The following ZNF653 variants were observed in gnomAD, a reference collection of about 807,000 sequenced individuals.
ZNF653 encodes the protein zinc finger protein 653, also known as 67 kDa zinc finger protein.
A neutral mutation model predicts 59.9 loss-of-function variants in ZNF653; 37 were observed. The ratio of observed to expected loss-of-function variants is 0.62; its 90% CI spans 0.48 to 0.81. The LOEUF (loss-of-function observed/expected upper bound fraction) is 0.81. Ranked by LOEUF, ZNF653 falls within the 40% of genes least tolerant of loss-of-function variation. The pLI, the probability that ZNF653 is intolerant of heterozygous loss-of-function variation, is 0.00. For missense variants in ZNF653, 808 were observed against 881.1 expected (o/e 0.92, Z 1.05); for synonymous variants, 435 against 371.8 (o/e 1.17, Z -1.96).
At position 11,484,070 on chromosome 19, in the gene ZNF653, G is replaced by A. The variant is rs1167066255; in HGVS notation, c.1642C>T (p.Arg548Cys). 10 of 1,559,118 alleles carry A rather than the reference G, an allele frequency of 6.4e-6. No homozygotes were observed. The highest frequency in any genetic ancestry group is 8.7e-6 in the Non-Finnish European group (10 of 1,151,398). ...KRKNHLEVHR[R>C]THTGETPLQC... ...AGGGGGGTCTCGCCGGTGTGGGTGC[G>A]CCGATGTACCTCCAGGTGGTTCTTC... Residue 548 changes from arginine to cysteine, a missense_variant, in exon 8 of 9, where the codon CGC becomes TGC. Coordinates refer to ENST00000293771, the MANE Select transcript of ZNF653 (RefSeq NM_138783.4).
chr19:11,486,679 C>A, intron 6 of ZNF653, 90 bp downstream of exon 6: 1 of 1,143,838 alleles, frequency 8.7e-7, no homozygotes, highest in Non-Finnish European at 1.2e-6. Context: ...CGTCAAATTT[C>A]AAGGGGCAAA....
chr19:11,499,547 T>C (rs1971622535), intron 1 of ZNF653, among the ~76,000 whole-genome samples: 1 of 150,950 alleles, frequency 6.6e-6, no homozygotes, highest in Non-Finnish European at 1.5e-5. Context: ...GGAGGACTGC[T>C]TGAAGCCAGG....
chr19:11,486,873 G>A lies in ZNF653; in HGVS notation c.1351C>T (p.Arg451Trp), dbSNP rs779336544. The A allele has an allele frequency of 9.9e-6, 16 of 1,610,260 alleles. No individual in the cohort carries two copies. The highest frequency in any genetic ancestry group is 2.2e-5 in the South Asian group (2 of 90,566). The change falls in exon 6 of 9, where the codon CGG becomes TGG. Residue 451 changes from arginine (R) to tryptophan (W), a missense_variant. Arg to Trp is a moderately radical substitution (Grantham distance 101, BLOSUM62 -3). Transcript: ENST00000293771. The part of the protein sequence containing the change: ...EIPKEPEKRR[R>W]SKRSRVMDAD... ...TCCATCACCCGCGACCGCTTGCTCC[G>A]CCGCCTCCTGGAGGGGAAGGGGCCA...
rs1555736352 is a variant in ZNF653 at position 11,487,978 on chromosome 19, T to TTTTTTTTATTTATTTATTTATTTATTTA, written c.560-76_560-75insTAAATAAATAAATAAATAAATAAAAAAA. 2 of 1,129,402 alleles carry TTTTTTTTATTTATTTATTTATTTATTTA rather than the reference T, an allele frequency of 1.8e-6. No individual in the cohort carries two copies. Among genetic ancestry groups the TTTTTTTTATTTATTTATTTATTTATTTA allele is most frequent in the African/African-American group, 4.0e-5 (2 of 49,514 alleles). 70.0% of individuals were successfully genotyped at this position (1,129,402 alleles called of 1,614,324 possible). A position where few individuals can be genotyped will look rare whatever the true frequency, so the allele number is the denominator to read the frequency against. On this transcript the variant is annotated intron_variant, in intron 3 of 8. Transcript: ENST00000293771. This position sits in a 1 kb window ranked among gnomAD's most constrained non-coding sequence, Gnocchi z 5.1. Reference sequence around the variant, plus strand: ...ATTTGTTTATTTAGTTTTTATTTTATTTTATTTATTTATTTATTTATTTTT... The same window carrying TTTTTTTTATTTATTTATTTATTTATTTA: ...ATTTGTTTATTTAGTTTTTATTTTATTTTTTTTATTTATTTATTTATTTATTTATTTATTTATTTATTTATTTATTTTT...
At position 11,495,842 on chromosome 19, in the gene ZNF653, G is replaced by A. The variant is rs1002197427; in HGVS notation, c.559+108C>T. 1.2e-5 allele frequency: 15 copies of A among 1,208,948 alleles called. No homozygotes were observed. The highest frequency in any genetic ancestry group is 1.7e-5 in the Non-Finnish European group (15 of 865,078). The allele number at this position is 1,208,948 out of a possible 1,614,324, so 74.9% of individuals were successfully genotyped here. A position where few individuals can be genotyped will look rare whatever the true frequency, so the allele number is the denominator to read the frequency against. On this transcript the variant is annotated intron_variant, in intron 3 of 8. Coordinates refer to ENST00000293771, the MANE Select transcript of ZNF653 (RefSeq NM_138783.4). This position sits in a 1 kb window ranked among gnomAD's most constrained non-coding sequence, Gnocchi z 4.9. ...CTGCTCTGCCCCAGTGCCAGAGCCA[G>A]AGCCAGAGCCACTGTGGCTGCTATT...
Position 11,495,710 on chromosome 19 carries a change from A to C in ZNF653, c.559+240T>G. 1 of 517,274 alleles carries C rather than the reference A, an allele frequency of 1.9e-6. No individual in the cohort carries two copies. The allele number at this position is 517,274 out of a possible 1,614,324, so 32.0% of individuals were successfully genotyped here. ...GCCCTGCCTGGGACTGGCCTTGGGC[A>C]CAGATTGGCAAACTGCTCCATAAAG... On this transcript the variant is annotated intron_variant, in intron 3 of 8. Coordinates refer to ENST00000293771, the MANE Select transcript of ZNF653 (RefSeq NM_138783.4). This position sits in a 1 kb window ranked among gnomAD's most constrained non-coding sequence, Gnocchi z 4.9.
chr19:11,501,706 G>A (rs1287167606), intron 1 of ZNF653, among the ~76,000 whole-genome samples: 4 of 152,170 alleles, frequency 2.6e-5, no homozygotes, highest in African/African-American at 7.2e-5. Context: ...CACTGGCACC[G>A]GGCTGCTGCT....
In ZNF653 at chr19:11,505,481, C is replaced by T; in HGVS notation, c.299+7G>A. Reference sequence around the variant, plus strand: ...TCCCTCCCTCCCTCGGGGCCAGGCCCCCTCACCCGTGGCGGCCGCTCCGCT... The same window carrying T: ...TCCCTCCCTCCCTCGGGGCCAGGCCTCCTCACCCGTGGCGGCCGCTCCGCT... On this transcript the variant is annotated splice_region_variant and intron_variant, in intron 1 of 8. Transcript: ENST00000293771. The T allele has an allele frequency of 2.0e-6, 3 of 1,482,076 alleles. No homozygotes were observed. The highest frequency in any genetic ancestry group is 2.7e-6 in the Non-Finnish European group (3 of 1,128,196). The allele number at this position is 1,482,076 out of a possible 1,614,324, so 91.8% of individuals were successfully genotyped here.
intron 1 of ZNF653, 188 bp downstream of exon 1, chr19:11,505,300 G>C (rs749737826): frequency 4.6e-5 from 26 of 568,782 alleles, no homozygotes; most frequent in Non-Finnish European, 7.1e-5. Context: ...CAGTCGGAAC[G>C]ATGGGAGGCG....
intron 3 of ZNF653, among the ~76,000 whole-genome samples, chr19:11,491,457 C>G (rs764417132): frequency 6.6e-6 from 1 of 152,212 alleles, no homozygotes; most frequent in Non-Finnish European, 1.5e-5. Context: ...TGCCAGGTCA[C>G]GAGAGCTGGA....
At chr19:11,503,605 G>A (rs531154988) in intron 1 of ZNF653, among the ~76,000 whole-genome samples, 31 of 152,118 alleles carry the variant, frequency 2.0e-4, no homozygotes, top group African/African-American at 3.6e-4. Context: ...CGAGGAGTTC[G>A]TGACCAGCCT....
At chr19:11,505,352 C>T in intron 1 of ZNF653, 136 bp downstream of exon 1, 2 of 946,466 alleles carry the variant, frequency 2.1e-6, no homozygotes, top group Non-Finnish European at 1.4e-6. Flanking sequence ...AGTACGAGAC[C>T]CAGGCCGCCG....
chr19:11,487,076 G>T lies in ZNF653; in HGVS notation c.1254C>A (p.Ser418Arg). 6.2e-7 allele frequency: 1 copy of T among 1,614,000 alleles called. No individual in the cohort carries two copies. The highest frequency in any genetic ancestry group is 8.5e-7 in the Non-Finnish European group (1 of 1,180,012). The change falls in exon 5 of 9, where the codon AGC (serine) becomes AGA (arginine). Residue 418 changes from serine to arginine, a missense_variant. Physicochemically the swap from Ser to Arg is moderately radical, Grantham distance 110. Transcript: ENST00000293771. This position sits in a 1 kb window ranked among gnomAD's most constrained non-coding sequence, Gnocchi z 5.1. ...APELATTVPE[S>R]AEPEAEADGE... ...CGTCCGCCTCTGCCTCAGGCTCTGCGCTCTCAGGCACCGTTGTTGCCAGCT... is the reference window on the plus strand; with the variant it reads ...CGTCCGCCTCTGCCTCAGGCTCTGCTCTCTCAGGCACCGTTGTTGCCAGCT...
chr19:11,486,791 T>C lies in ZNF653; in HGVS notation c.1433A>G (p.Tyr478Cys), dbSNP rs1258956106. ...CACCTGGAAGCTGCTGAGGGCCACG[T>C]AGACTTGGCTGCAGCCCTCGTATGG... is the stretch of plus-strand genomic sequence containing the variant. ...HCPYEGCSQV[Y>C]VALSSFQNHV... is the part of the protein sequence containing the mutation. Residue 478 changes from tyrosine to cysteine, a missense_variant, in exon 6 of 9, where the codon TAC becomes TGC. By Grantham distance (194) the Tyr-to-Cys change is radical. Transcript: ENST00000293771. The C allele has an allele frequency of 2.5e-6, 4 of 1,609,768 alleles. No homozygotes were observed. The Admixed American group carries it at 5.0e-5, about 20-fold the overall frequency.
Position 11,483,701 on chromosome 19 carries a change from G to A in ZNF653, c.1829C>T (p.Pro610Leu), listed in dbSNP as rs761351004. 3.1e-6 allele frequency: 5 copies of A among 1,613,006 alleles called. No individual in the cohort carries two copies. The African/African-American group carries it at 5.3e-5, about 17-fold the overall frequency. Reference protein sequence around the residue: ...SVKFHTLKSHPDHKPT With the variant: ...SVKFHTLKSHLDHKPT The stretch of plus-strand genomic sequence containing the variant: ...GGTGGGTCAGGTGGGCTTGTGATCC[G>A]GGTGGCTTTTGAGCGTGTGGAACTT... Residue 610 changes from proline to leucine, a missense_variant, in exon 9 of 9, where the codon CCG becomes CTG. By Grantham distance (98) the Pro-to-Leu change is moderately conservative (BLOSUM62 -3). Coordinates refer to ENST00000293771, the MANE Select transcript of ZNF653 (RefSeq NM_138783.4).
chr19:11,489,098 C>T (rs1456323719), intron 3 of ZNF653, among the ~76,000 whole-genome samples: 1 of 151,448 alleles, frequency 6.6e-6, no homozygotes, highest in African/African-American at 2.4e-5. Context: ...TGAGGTTTTG[C>T]CATGTTGGCC....
chr19:11,492,132 C>T (rs1167277217), intron 3 of ZNF653, among the ~76,000 whole-genome samples: 1 of 152,004 alleles, frequency 6.6e-6, no homozygotes, highest in Non-Finnish European at 1.5e-5. Flanking sequence ...CTGCAACCTC[C>T]ACCTTCCAAG....
chr19:11,485,615 T>C (rs767310123), intron 7 of ZNF653, 41 bp downstream of exon 7: 1 of 1,542,722 alleles, frequency 6.5e-7, no homozygotes, highest in South Asian at 1.1e-5. Context: ...CCCATGTCCC[T>C]GTGTCCCCCG....
intron 1 of ZNF653, among the ~76,000 whole-genome samples, chr19:11,499,654 G>A (rs1320349113): frequency 6.7e-6 from 1 of 149,746 alleles, no homozygotes; most frequent in Non-Finnish European, 1.5e-5. Context: ...GCTCATTCCT[G>A]TAATCTCAGC....
Sources: gnomAD v4.1 joint callset for allele counts (sites outside exome capture counted in the v4.1 genomes callset) on GRCh38, gnomAD v4.1.1 for gene constraint, Gnocchi (gnomAD v3.1) non-coding constraint, MANE v1.5 for transcripts, NCBI Gene and HGNC (gene_info 2026-07-23, HGNC 2026-07-21) for gene names.